The following SVIL variants were observed in gnomAD, a reference collection of about 807,000 sequenced individuals.
SVIL encodes the protein archvillin.
Under a neutral mutation model 240.4 loss-of-function variants are expected in SVIL, and 101 were observed. The ratio of observed to expected loss-of-function variants is 0.42; its 90% confidence interval spans 0.36 to 0.50. The LOEUF (loss-of-function observed/expected upper bound fraction) is 0.50. Among genes scored for constraint, SVIL ranks in the 20% least tolerant of loss-of-function variants. SVIL has a pLI of 0.01. For missense variants in SVIL, 2,512 were observed against 2,818.7 expected (o/e 0.89, Z 2.46); for synonymous variants, 999 against 1,100.0 (o/e 0.91, Z 1.82).
At chr10:29,507,597 CCACA>C (rs60592993) in intron 17 of SVIL, 4,510 of 166,678 alleles carry the variant, frequency 0.027, 70 homozygotes, top group Middle Eastern at 0.073. Context: ...AATTGTACTG[CCACA>C]CACACACACA....
rs1404067285 is a variant in SVIL at position 29,550,961 on chromosome 10, T to A, written c.463A>T (p.Lys155Ter). The change falls in exon 6 of 38, where the codon AAA (lysine) becomes TAA (stop). Residue 155 changes from lysine (K) to a stop codon, truncating the protein, a stop_gained. Transcript: ENST00000355867. LOFTEE classifies it high-confidence loss of function. ...AVEKRGGKSDKQEESSRDASS... is the reference protein window; with the variant it reads ...AVEKRGGKSD ...GCATCTCTGCTTGACTCTTCCTGTT[T>A]GTCACTTTTTCCTCCCCGCTTCTCG... is the stretch of plus-strand genomic sequence containing the variant. The A allele has an allele frequency of 6.2e-7, 1 of 1,614,136 alleles. No individual in the cohort carries two copies. Among genetic ancestry groups the A allele is most frequent in the Non-Finnish European group, 8.5e-7 (1 of 1,180,034 alleles).
chr10:29,696,000 G>A (rs1430609564), intron 1 of SVIL, among the ~76,000 whole-genome samples: 1 of 148,362 alleles, frequency 6.7e-6, no homozygotes, highest in East Asian at 2.1e-4. Context: ...CTCTCATGCC[G>A]GGCCAAAGCT....
chr10:29,459,691 G>C (rs911221592), intron 36 of SVIL, among the ~76,000 whole-genome samples: 4 of 152,070 alleles, frequency 2.6e-5, no homozygotes, highest in African/African-American at 4.8e-5. Context: ...CATTAAACTT[G>C]GGACCCCAGA....
intron 11 of SVIL, 62 bp from the exon 12 acceptor site, chr10:29,529,906 C>T (rs889989007): frequency 2.3e-5 from 34 of 1,509,506 alleles, no homozygotes; most frequent in African/African-American, 4.2e-5. Flanking sequence ...CACGGTGGCT[C>T]ACGCCTGTAA....
chr10:29,525,641 T>C (rs1357873485), intron 13 of SVIL, among the ~76,000 whole-genome samples: 1 of 152,086 alleles, frequency 6.6e-6, no homozygotes. Flanking sequence ...AATAAATAAA[T>C]AGCTCCCTCC....
chr10:29,627,148 A>T (rs1957906725), intron 1 of SVIL, among the ~76,000 whole-genome samples: 1 of 152,240 alleles, frequency 6.6e-6, no homozygotes, highest in African/African-American at 2.4e-5. Context: ...GAAACAAGCA[A>T]GGACAGTGAG....
In SVIL at chr10:29,523,598, G is replaced by C. The variant is rs768425626; in HGVS notation, c.3016C>G (p.Pro1006Ala). ...TCATCCCCGAGGTGGGTGATGGGAG[G>C]GTTCGCCCGTTCCAGGCTTCCTCTT... ...PRRGSLERAN[P>A]PITHLGDEPK... The change falls in exon 15 of 38, where the codon CCT (proline) becomes GCT (alanine). Residue 1006 changes from proline to alanine, a missense_variant. Physicochemically the swap from Pro to Ala is conservative, Grantham distance 27. This residue lies in a region of SVIL where 1,443 missense variants were observed against 1,486.6 expected (regional missense o/e 0.97). Coordinates refer to ENST00000355867, the MANE Select transcript of SVIL (RefSeq NM_021738.3). 2 of 1,614,106 alleles carry C rather than the reference G, an allele frequency of 1.2e-6. No homozygotes were observed. The highest frequency in any genetic ancestry group is 2.2e-5 in the South Asian group (2 of 91,074).
rs1053848532 is a variant in SVIL, at chr10:29,462,531, C to T, written c.6278-130G>A. ...CTTAAAATGCAAGTTACCAGTAGTT[C>T]ATAACAACACATGGATAATGTTTAT... On this transcript the variant is annotated intron_variant, in intron 35 of 37. Coordinates refer to ENST00000355867, the MANE Select transcript of SVIL (RefSeq NM_021738.3). 5 of 1,167,478 alleles carry T rather than the reference C, an allele frequency of 4.3e-6. No individual in the cohort carries two copies. The African/African-American group carries it at 7.9e-5, about 18-fold the overall frequency. 72.3% of individuals were successfully genotyped at this position (1,167,478 alleles called of 1,614,324 possible).
intron 1 of SVIL, among the ~76,000 whole-genome samples, chr10:29,700,907 C>T (rs183965451): frequency 4.1e-4 from 62 of 152,282 alleles, no homozygotes; most frequent in East Asian, 1.4e-3. Flanking sequence ...CTTAGCCCAT[C>T]GCTTCAAGGC....
intron 2 of SVIL, among the ~76,000 whole-genome samples, chr10:29,563,920 G>C (rs3758373): frequency 0.43 from 65,199 of 150,932 alleles, 14,139 homozygotes; most frequent in African/African-American, 0.47. Context: ...CCATGTATCT[G>C]CTTTCCCCCA....
intron 1 of SVIL, among the ~76,000 whole-genome samples, chr10:29,616,904 G>T (rs1274970464): frequency 6.6e-6 from 1 of 152,132 alleles, no homozygotes; most frequent in Non-Finnish European, 1.5e-5. Flanking sequence ...TATATTTTTA[G>T]TAGAGACAGG....
intron 2 of SVIL, among the ~76,000 whole-genome samples, chr10:29,679,755 T>A (rs1960485760): frequency 6.6e-6 from 1 of 151,780 alleles, no homozygotes. Context: ...TTCTGTTGGG[T>A]GGCACTGCTA....
At chr10:29,555,736 G>A (rs933744881) in intron 3 of SVIL, among the ~76,000 whole-genome samples, 1 of 152,308 alleles carries the variant, frequency 6.6e-6, no homozygotes, top group Admixed American at 6.5e-5. Context: ...ATTTAACAAA[G>A]TATTCTAAGC....
At chr10:29,566,537 C>CT (rs1954977492) in intron 2 of SVIL, among the ~76,000 whole-genome samples, 1 of 152,142 alleles carries the variant, frequency 6.6e-6, no homozygotes, top group Non-Finnish European at 1.5e-5. Flanking sequence ...AATCGAGTTT[C>CT]TTTCTTTAAA....
chr10:29,480,192 C>T (rs1177922098), intron 29 of SVIL, among the ~76,000 whole-genome samples: 2 of 152,182 alleles, frequency 1.3e-5, no homozygotes. Flanking sequence ...TGAAGCAGCA[C>T]ACAGCCACAT....
chr10:29,665,390 A>T (rs145939287), intron 2 of SVIL, among the ~76,000 whole-genome samples: 7 of 152,132 alleles, frequency 4.6e-5, no homozygotes, highest in African/African-American at 1.7e-4. Flanking sequence ...GCGAAGGCAA[A>T]TATTTTCTGT....
At chr10:29,616,532 A>AT (rs1184826637) in intron 1 of SVIL, among the ~76,000 whole-genome samples, 3 of 152,206 alleles carry the variant, frequency 2.0e-5, no homozygotes, top group African/African-American at 7.2e-5. Flanking sequence ...CTGCACTGAT[A>AT]TTTTTTATGT....
chr10:29,540,521 C>T (rs1034988268), intron 6 of SVIL, among the ~76,000 whole-genome samples: 5 of 152,350 alleles, frequency 3.3e-5, no homozygotes, highest in African/African-American at 4.8e-5. Context: ...CACGATCACA[C>T]GACTGGTAAC....
Position 29,555,081 on chromosome 10 carries a change from G to T in SVIL, c.-23C>A. The T allele has an allele frequency of 1.2e-6, 2 of 1,612,170 alleles. No homozygotes were observed. Among genetic ancestry groups the T allele is most frequent in the South Asian group, 2.2e-5 (2 of 90,820 alleles). On this transcript the variant is annotated 5_prime_UTR_variant, in exon 4 of 38. Coordinates refer to ENST00000355867, the MANE Select transcript of SVIL (RefSeq NM_021738.3). ...CATTTCTAAGAATTCTTTCTTCTTT[G>T]GTTCAAAGATTTGTCTTAATTCTGC...
Sources: gnomAD v4.1 joint callset for allele counts (sites outside exome capture counted in the v4.1 genomes callset) on GRCh38, gnomAD v4.1.1 for gene constraint, gnomAD v4.1.1 regional missense constraint, MANE v1.5 for transcripts, NCBI Gene and HGNC (gene_info 2026-07-23, HGNC 2026-07-21) for gene names.